The following LAMB4 variants were observed in gnomAD, a reference collection of about 807,000 sequenced individuals.
LAMB4 encodes the protein laminin subunit beta 4.
In LAMB4, 196 loss-of-function variants were observed where a neutral mutation model predicts 199.2. That is an observed-to-expected ratio of 0.98 (90% CI 0.88 to 1.11). The LOEUF is 1.11. Among genes scored for constraint, LAMB4 ranks in the 50% least tolerant of loss-of-function variants. The pLI is 0.00. For synonymous variants in LAMB4, 744 were observed against 770.6 expected (o/e 0.97, Z 0.57); for missense variants, 2,080 against 2,171.2 (o/e 0.96, Z 0.83).
rs952847676 is a variant in LAMB4, at chr7:108,046,918, T to TTTA, written c.4326+987_4326+989dup. 2.3e-4 allele frequency among the ~76,000 whole-genome samples: 35 copies of TTTA among 151,038 alleles called. 1 individual carries two copies. In the South Asian group the frequency reaches 3.3e-3, roughly 14 times the overall value. On this transcript the variant is annotated intron_variant, in intron 28 of 33. Coordinates refer to ENST00000388781, the MANE Select transcript of LAMB4 (RefSeq NM_007356.3). ...TTTAAAAATTAATTTATATATTTCTTTTATTATTATTATTATTATTTTAAA... is the reference window on the plus strand; with the variant it reads ...TTTAAAAATTAATTTATATATTTCTTTTATTATTATTATTATTATTATTTTAAA...
intron 23 of LAMB4, among the ~76,000 whole-genome samples, chr7:108,059,166 C>T (rs534833148): frequency 6.0e-5 from 8 of 133,376 alleles, no homozygotes; most frequent in South Asian, 2.4e-4. Flanking sequence ...AGTGCAGTGG[C>T]GTGATCTCCA....
chr7:108,021,475 C>T (rs1489729563), downstream of LAMB4, among the ~76,000 whole-genome samples: 6 of 152,020 alleles, frequency 3.9e-5, no homozygotes, highest in South Asian at 2.1e-4. Flanking sequence ...TTTGGGAGGC[C>T]GAGGCGGGTG....
In LAMB4 at chr7:108,104,364, A is replaced by G. The variant is rs527363380; in HGVS notation, c.991+135T>C. On this transcript the variant is annotated intron_variant, in intron 9 of 33. Transcript: ENST00000388781. ...ATGTGGGATAATTGGGAACACTGGGATATCACACTATAGGAGCTGGGAGGA... is the reference window on the plus strand; with the variant it reads ...ATGTGGGATAATTGGGAACACTGGGGTATCACACTATAGGAGCTGGGAGGA... The G allele has an allele frequency of 4.7e-5, 43 of 907,414 alleles. 1 individual carries two copies. In the South Asian group the frequency reaches 6.1e-4, roughly 13 times the overall value. The allele number at this position is 907,414 out of a possible 1,614,324, so 56.2% of individuals were successfully genotyped here.
At position 108,055,969 on chromosome 7, in the gene LAMB4, A is replaced by G. The variant is rs2035971162; in HGVS notation, c.3418T>C (p.Cys1140Arg). The G allele has an allele frequency of 6.2e-7, 1 of 1,613,944 alleles. No homozygotes were observed. The highest frequency in any genetic ancestry group is 8.5e-7 in the Non-Finnish European group (1 of 1,179,948). Residue 1140 changes from cysteine (C) to arginine (R), a missense_variant, in exon 25 of 34, where the codon TGT (cysteine) becomes CGT (arginine). Coordinates refer to ENST00000388781, the MANE Select transcript of LAMB4 (RefSeq NM_007356.3). The part of the protein sequence containing the change: ...CNRAGTQKPI[C>R]DPDTGMCRCR... ...CGGCACATGCCTGTGTCTGGATCAC[A>G]GATGGGCTTCTGGGTACCTGCCCTG...
At chr7:108,034,606 G>A (rs1290145366) in intron 30 of LAMB4, among the ~76,000 whole-genome samples, 1 of 152,166 alleles carries the variant, frequency 6.6e-6, no homozygotes. Flanking sequence ...TAAGGATACA[G>A]GTTTGGGGTG....
At chr7:108,018,939 A>G (rs558259634), downstream of LAMB4, among the ~76,000 whole-genome samples, 11 of 152,188 alleles carry the variant, frequency 7.2e-5, no homozygotes, top group South Asian at 2.3e-3. Flanking sequence ...CCTTACTTGT[A>G]CAGTCAACCA....
At chr7:108,127,277 T>C (rs997311655) in intron 1 of LAMB4, among the ~76,000 whole-genome samples, 7 of 150,632 alleles carry the variant, frequency 4.6e-5, no homozygotes, top group African/African-American at 1.7e-4. Context: ...CCGACATCAG[T>C]ATTTTTAAAG....
chr7:108,118,878 C>T (rs1243409481), intron 2 of LAMB4, among the ~76,000 whole-genome samples: 2 of 152,118 alleles, frequency 1.3e-5, no homozygotes, highest in African/African-American at 2.4e-5. Flanking sequence ...AGAGAAAATA[C>T]TTGCAAACCA....
At chr7:108,055,581 G>C (rs999742227) in intron 25 of LAMB4, 51 bp downstream of exon 25, 2 of 1,549,596 alleles carry the variant, frequency 1.3e-6, no homozygotes, top group Admixed American at 3.7e-5. Flanking sequence ...CTTGGTGGGA[G>C]TTAAGGTAAA....
chr7:108,101,639 A>G (rs1407059192), intron 10 of LAMB4, among the ~76,000 whole-genome samples: 1 of 152,182 alleles, frequency 6.6e-6, no homozygotes, highest in Non-Finnish European at 1.5e-5. Flanking sequence ...ATTTGAAATC[A>G]GGATGGAGTA....
chr7:108,056,006 T>G lies in LAMB4; in HGVS notation c.3381A>C (p.Pro1127=). 6.2e-7 allele frequency: 1 copy of G among 1,601,738 alleles called. No homozygotes were observed. Among genetic ancestry groups the G allele is most frequent in the South Asian group, 1.1e-5 (1 of 89,862 alleles). The change falls in exon 25 of 34, where the codon CCA becomes CCC. Residue 1127 remains proline (P), a splice_region_variant and synonymous_variant. Coordinates refer to ENST00000388781, the MANE Select transcript of LAMB4 (RefSeq NM_007356.3). ...GGGTACCTGCCCTGTTACAATCACA[T>G]GCTAAAAAGGAAAACAGAAGGAGCA... ...YYGDPPGRCI[P]CDCNRAGTQK...
intron 30 of LAMB4, among the ~76,000 whole-genome samples, 185 bp from the exon 31 acceptor site, chr7:108,034,531 A>G (rs189650280): frequency 6.6e-6 from 1 of 151,874 alleles, no homozygotes; most frequent in East Asian, 1.9e-4. Flanking sequence ...AAATGCCAAT[A>G]AAAAAAACCC....
chr7:108,065,902 T>A lies in LAMB4; in HGVS notation c.2696A>T (p.Tyr899Phe). 2 of 1,613,916 alleles carry A rather than the reference T, an allele frequency of 1.2e-6. No homozygotes were observed. The highest frequency in any genetic ancestry group is 1.7e-6 in the Non-Finnish European group (2 of 1,179,932). Residue 899 changes from tyrosine (Y) to phenylalanine (F), a missense_variant, in exon 21 of 34, where the codon TAT becomes TTT. Coordinates refer to ENST00000388781, the MANE Select transcript of LAMB4 (RefSeq NM_007356.3). ...RNCERCIDGYYGNPSSGQPCR... is the reference protein window; with the variant it reads ...RNCERCIDGYFGNPSSGQPCR... ...GGGCTGTCCTGAAGAAGGATTTCCATAGTAACCATCAATACACCTGTCAAG... is the reference window on the plus strand; with the variant it reads ...GGGCTGTCCTGAAGAAGGATTTCCAAAGTAACCATCAATACACCTGTCAAG...
intron 17 of LAMB4, among the ~76,000 whole-genome samples, chr7:108,074,704 T>C (rs2036638592): frequency 2.0e-5 from 3 of 152,150 alleles, no homozygotes; most frequent in Non-Finnish European, 4.4e-5. Context: ...CCAAATTATT[T>C]ACTTATTGCA....
At chr7:108,021,448 G>A (rs1218030764), downstream of LAMB4, among the ~76,000 whole-genome samples, 1 of 152,174 alleles carries the variant, frequency 6.6e-6, no homozygotes. Flanking sequence ...GGTGGCTCAC[G>A]CCTGTAATCA....
chr7:108,069,574 T>C (rs992246129), intron 18 of LAMB4, 134 bp downstream of exon 18: 1 of 744,770 alleles, frequency 1.3e-6, no homozygotes, highest in Non-Finnish European at 2.2e-6. Context: ...AGCAGACCAC[T>C]CTGTGTATCT....
chr7:108,115,956 A>C (rs1255816906), intron 3 of LAMB4, 48 bp downstream of exon 3: 3 of 1,582,440 alleles, frequency 1.9e-6, no homozygotes, highest in African/African-American at 1.4e-5. Flanking sequence ...AAAAATCTAC[A>C]TCATTGATTA....
In LAMB4 at chr7:108,048,057, G is replaced by A. The variant is rs746386926; in HGVS notation, c.4177C>T (p.Leu1393Phe). The A allele has an allele frequency of 9.3e-6, 15 of 1,613,728 alleles. No homozygotes were observed. In the South Asian group the frequency reaches 1.5e-4, roughly 17 times the overall value. Residue 1393 changes from leucine to phenylalanine, a missense_variant, in exon 28 of 34, where the codon CTC (leucine) becomes TTC (phenylalanine). Leu to Phe is a conservative substitution (Grantham distance 22). Coordinates refer to ENST00000388781, the MANE Select transcript of LAMB4 (RefSeq NM_007356.3). ...PCVPLPCGGA[L>F]CTGRKGHRKC... ...CTGTGCCCCTTCCGGCCCGTGCAGAGAGCACCGCCACAGGGCAAGGGCACA... is the reference window on the plus strand; with the variant it reads ...CTGTGCCCCTTCCGGCCCGTGCAGAAAGCACCGCCACAGGGCAAGGGCACA...
chr7:108,037,196 C>A (rs565401588), intron 30 of LAMB4, among the ~76,000 whole-genome samples, 192 bp downstream of exon 30: 44 of 152,182 alleles, frequency 2.9e-4, no homozygotes, highest in Admixed American at 1.8e-3. Context: ...AAGAAAACAA[C>A]CCTGAACCCT....
Sources: gnomAD v4.1 joint callset for allele counts (sites outside exome capture counted in the v4.1 genomes callset) on GRCh38, gnomAD v4.1.1 for gene constraint, MANE v1.5 for transcripts, NCBI Gene and HGNC (gene_info 2026-07-23, HGNC 2026-07-21) for gene names.